SLIT3: variants seen among roughly 807,000 people sequenced by gnomAD.
SLIT3 encodes slit guidance ligand 3, also known as slit homolog 3 protein.
SLIT3 carries 68 observed loss-of-function variants against 184.0 expected under a neutral mutation model. The ratio of observed to expected loss-of-function variants is 0.37; its 90% CI spans 0.30 to 0.45. The LOEUF (loss-of-function observed/expected upper bound fraction) is 0.45. Among genes scored for constraint, SLIT3 ranks in the 20% least tolerant of loss-of-function variants. The pLI is 1.00. For missense variants in SLIT3, 1,707 were observed against 2,026.0 expected, an observed-to-expected ratio of 0.84 and a Z score of 3.02; for synonymous variants, 831 against 828.6, an observed-to-expected ratio of 1.00 and a Z score of -0.05.
chr5:169,265,083 G>A (rs531668412), intron 1 of SLIT3, among the ~76,000 whole-genome samples: 5 of 152,226 alleles, frequency 3.3e-5, no homozygotes, highest in African/African-American at 1.2e-4. Flanking sequence ...TTGGGCATGG[G>A]GTCTCTTTTC....
intron 4 of SLIT3, among the ~76,000 whole-genome samples, chr5:169,034,817 C>T (rs1581333406): frequency 6.6e-6 from 1 of 150,996 alleles, no homozygotes; most frequent in African/African-American, 2.4e-5. Flanking sequence ...GCAATCACTG[C>T]TTACTGCAGC....
chr5:169,119,575 C>T (rs772502552), intron 4 of SLIT3, among the ~76,000 whole-genome samples: 9 of 152,194 alleles, frequency 5.9e-5, no homozygotes, highest in Non-Finnish European at 8.8e-5. Flanking sequence ...TTGACACTGA[C>T]GTTTTCTGTC....
At chr5:169,003,313 G>A (rs1015298656) in intron 4 of SLIT3, among the ~76,000 whole-genome samples, 88 of 152,262 alleles carry the variant, frequency 5.8e-4, no homozygotes, top group African/African-American at 2.0e-3. Flanking sequence ...GGCAGACCAG[G>A]GCACTCAGTA....
intron 5 of SLIT3, among the ~76,000 whole-genome samples, chr5:168,882,014 T>C: frequency 6.6e-6 from 1 of 152,116 alleles, no homozygotes; most frequent in Non-Finnish European, 1.5e-5. Context: ...CAGAGACGCC[T>C]CTGCCCTCTT....
At chr5:169,063,242 CT>C (rs1233910559) in intron 4 of SLIT3, among the ~76,000 whole-genome samples, 2 of 152,142 alleles carry the variant, frequency 1.3e-5, no homozygotes, top group Non-Finnish European at 2.9e-5. Flanking sequence ...TCAGGGCAGA[CT>C]TTCAGGGTCA....
At chr5:168,970,653 T>G (rs1274115092) in intron 4 of SLIT3, among the ~76,000 whole-genome samples, 1 of 152,208 alleles carries the variant, frequency 6.6e-6, no homozygotes, top group Non-Finnish European at 1.5e-5. Flanking sequence ...CATAGCAAGT[T>G]ATGGCATTTG....
chr5:168,708,185 C>T, intron 25 of SLIT3, 85 bp from the exon 26 acceptor site: 2 of 1,587,810 alleles, frequency 1.3e-6, no homozygotes, highest in Non-Finnish European at 1.7e-6. Flanking sequence ...TGGGCCCTCC[C>T]TCAGCCAGCG....
chr5:169,267,998 T>C (rs996709103), intron 1 of SLIT3, among the ~76,000 whole-genome samples: 7 of 152,176 alleles, frequency 4.6e-5, no homozygotes, highest in African/African-American at 1.7e-4. Flanking sequence ...AGGAATGCAA[T>C]GATTGCTGCA....
chr5:168,815,478 T>G (rs1757308056), intron 8 of SLIT3, among the ~76,000 whole-genome samples: 1 of 152,210 alleles, frequency 6.6e-6, no homozygotes, highest in Admixed American at 6.5e-5. Flanking sequence ...CTATAATTAT[T>G]TCTTTCACTT....
chr5:168,891,786 C>A (rs552820203), intron 4 of SLIT3, among the ~76,000 whole-genome samples: 10 of 152,228 alleles, frequency 6.6e-5, no homozygotes, highest in Admixed American at 6.5e-4. Context: ...GTTACCAATA[C>A]GAGTGCCTGT....
At chr5:168,723,482 T>C (rs1763010449) in intron 21 of SLIT3, among the ~76,000 whole-genome samples, 1 of 152,230 alleles carries the variant, frequency 6.6e-6, no homozygotes, top group Admixed American at 6.5e-5. Flanking sequence ...AGCTAGTCAA[T>C]CATTCAGTTA....
chr5:168,976,828 A>G (rs1754779901), intron 4 of SLIT3, among the ~76,000 whole-genome samples: 1 of 152,196 alleles, frequency 6.6e-6, no homozygotes, highest in Non-Finnish European at 1.5e-5. Flanking sequence ...TATTAACTTT[A>G]TTTTGTCTCT....
chr5:169,046,661 C>T (rs774865639), intron 4 of SLIT3, among the ~76,000 whole-genome samples: 11 of 152,176 alleles, frequency 7.2e-5, no homozygotes, highest in Non-Finnish European at 1.3e-4. Flanking sequence ...GAGACTGCTC[C>T]GCAGAAAGCA....
At chr5:169,238,046 T>C (rs571480649) in intron 3 of SLIT3, among the ~76,000 whole-genome samples, 3 of 152,350 alleles carry the variant, frequency 2.0e-5, no homozygotes, top group Non-Finnish European at 2.9e-5. Flanking sequence ...ATTTCTGGGC[T>C]CGCTATTCTG....
chr5:168,765,429 A>C (rs1755307467), intron 14 of SLIT3, among the ~76,000 whole-genome samples: 1 of 152,138 alleles, frequency 6.6e-6, no homozygotes, highest in African/African-American at 2.4e-5. Flanking sequence ...TCGGAATGTG[A>C]TATTTTATAC....
chr5:168,881,110 C>T (rs1009328623), intron 5 of SLIT3, among the ~76,000 whole-genome samples: 13 of 152,148 alleles, frequency 8.5e-5, no homozygotes, highest in African/African-American at 2.9e-4. Flanking sequence ...TCCTTCTTCC[C>T]CGCAAGCCCA....
chr5:168,852,456 T>C (rs1214572411), intron 5 of SLIT3, among the ~76,000 whole-genome samples: 1 of 152,212 alleles, frequency 6.6e-6, no homozygotes, highest in Non-Finnish European at 1.5e-5. Flanking sequence ...TCTTCCTGGA[T>C]AGGAGGTCAG....
At chr5:168,997,745 C>A (rs1323992841) in intron 4 of SLIT3, among the ~76,000 whole-genome samples, 3 of 152,112 alleles carry the variant, frequency 2.0e-5, no homozygotes, top group Non-Finnish European at 4.4e-5. Flanking sequence ...GAGAGAAGAC[C>A]TAGGTAGCAA....
intron 18 of SLIT3, among the ~76,000 whole-genome samples, chr5:168,751,196 G>T (rs574216680): frequency 1.3e-5 from 2 of 152,162 alleles, no homozygotes; most frequent in South Asian, 2.1e-4. Context: ...GCCAGATGAC[G>T]TGGGGCCGGC....
Sources: gnomAD v4.1 joint callset for allele counts (sites outside exome capture counted in the v4.1 genomes callset) on GRCh38, gnomAD v4.1.1 for gene constraint, MANE v1.5 for transcripts, NCBI Gene and HGNC (gene_info 2026-07-23, HGNC 2026-07-21) for gene names.